The following POLRMT variants were observed in gnomAD, a reference collection of about 807,000 sequenced individuals.
The protein encoded by POLRMT is RNA polymerase mitochondrial.
Under a neutral mutation model 132.2 loss-of-function variants are expected in POLRMT, and 114 were observed. The ratio of observed to expected loss-of-function variants is 0.86; its 90% CI spans 0.74 to 1.01. POLRMT has a LOEUF of 1.01. Ranked by LOEUF, POLRMT falls within the 50% of genes least tolerant of loss-of-function variation. The pLI, the probability that POLRMT is intolerant of heterozygous loss-of-function variation, is 0.00. For missense variants in POLRMT, 2,003 were observed against 1,729.1 expected, an observed-to-expected ratio of 1.16 and a Z score of -2.81; for synonymous variants, 1,020 against 773.4, an observed-to-expected ratio of 1.32 and a Z score of -5.29.
At chr19:628,577 C>T (rs965008960) in intron 3 of POLRMT, among the ~76,000 whole-genome samples, 6 of 152,116 alleles carry the variant, frequency 3.9e-5, no homozygotes, top group Non-Finnish European at 8.8e-5. Flanking sequence ...CATGTTTACC[C>T]AAATATTAAG....
At position 632,878 on chromosome 19, in the gene POLRMT, T is replaced by C; in HGVS notation, c.149A>G (p.Asp50Gly). The stretch of plus-strand genomic sequence containing the variant: ...GCCCCAGTCCTTCCTGCGGTCTTGG[T>C]CTTGCTCCTGGGGGCTGGCGGACGA... ...RSSSASPQEQ[D>G]QDRRKDWGHV... Residue 50 changes from aspartate to glycine, a missense_variant, in exon 2 of 21, where the codon GAC becomes GGC. Coordinates refer to ENST00000588649, the MANE Select transcript of POLRMT (RefSeq NM_005035.4). 6 of 1,553,338 alleles carry C rather than the reference T, an allele frequency of 3.9e-6. No individual in the cohort carries two copies. The highest frequency in any genetic ancestry group is 5.2e-6 in the Non-Finnish European group (6 of 1,153,290).
Position 618,562 on chromosome 19 carries a change from C to A in POLRMT, c.3348G>T (p.Lys1116Asn). 1 of 1,613,300 alleles carries A rather than the reference C, an allele frequency of 6.2e-7. No individual in the cohort carries two copies. ...ISRKPNTRKQ[K>N]NGFPPNFIHS... ...GGATGAAGTTGGGCGGGAAGCCGTTCTTCTGCTTACGTGTGTTGGGCTTTC... is the reference window on the plus strand; with the variant it reads ...GGATGAAGTTGGGCGGGAAGCCGTTATTCTGCTTACGTGTGTTGGGCTTTC... The change falls in exon 17 of 21, where the codon AAG becomes AAT. Residue 1116 changes from lysine (K) to asparagine (N), a missense_variant. Physicochemically the swap from Lys to Asn is moderately conservative, Grantham distance 94. Transcript: ENST00000588649.
chr19:618,765 A>T lies in POLRMT; in HGVS notation c.3268-5T>A. 1 of 1,597,048 alleles carries T rather than the reference A, an allele frequency of 6.3e-7. No homozygotes were observed. The highest frequency in any genetic ancestry group is 8.5e-7 in the Non-Finnish European group (1 of 1,172,724). On this transcript the variant is annotated splice_region_variant and splice_polypyrimidine_tract_variant and intron_variant, in intron 15 of 20. Coordinates refer to ENST00000588649, the MANE Select transcript of POLRMT (RefSeq NM_005035.4). ...CTGAATTCCACCTCCTATTTGCTAA[A>T]AAGGGGAAGGGGCCGGTGAGTCCCA...
intron 17 of POLRMT, 116 bp downstream of exon 17, chr19:618,372 G>A (rs966244167): frequency 2.6e-6 from 2 of 780,512 alleles, no homozygotes; most frequent in Non-Finnish European, 4.1e-6. Context: ...AGACACAGCA[G>A]ATCCACTCTG....
intron 20 of POLRMT, 45 bp from the exon 21 acceptor site, chr19:617,368 C>A (rs372914047): frequency 5.6e-6 from 9 of 1,612,432 alleles, no homozygotes; most frequent in Non-Finnish European, 7.6e-6. Flanking sequence ...GGGAAAGCCC[C>A]GCCCTGGCCC....
In POLRMT at chr19:632,905, C is replaced by A. The variant is rs1238451089; in HGVS notation, c.122G>T (p.Ser41Ile). Residue 41 changes from serine to isoleucine, a missense_variant, in exon 2 of 21, where the codon AGC (serine) becomes ATC (isoleucine). Coordinates refer to ENST00000588649, the MANE Select transcript of POLRMT (RefSeq NM_005035.4). Reference sequence around the variant, plus strand: ...TTGCTCCTGGGGGCTGGCGGACGAGCTCCTCCTGGGGCCGCAGACGCCACC... The same window carrying A: ...TTGCTCCTGGGGGCTGGCGGACGAGATCCTCCTGGGGCCGCAGACGCCACC... Reference protein sequence around the residue: ...TAGGVCGPRRSSSASPQEQDQ... With the variant: ...TAGGVCGPRRISSASPQEQDQ... The A allele has an allele frequency of 3.3e-6, 5 of 1,538,134 alleles. No individual in the cohort carries two copies. Among genetic ancestry groups the A allele is most frequent in the African/African-American group, 1.4e-5 (1 of 71,570 alleles).
Position 622,813 on chromosome 19 carries a change from A to T in POLRMT, c.1455+8T>A. ...CCCGGGGACCCGGCCGCGCGGAGGA[A>T]GACGCACCTGCAGGAGCATCCGCAC... On this transcript the variant is annotated splice_region_variant and intron_variant, in intron 7 of 20. Transcript: ENST00000588649. 1 of 1,585,902 alleles carries T rather than the reference A, an allele frequency of 6.3e-7. No homozygotes were observed.
At chr19:624,623 G>A (rs563606092) in intron 5 of POLRMT, 96 bp downstream of exon 5, 9 of 1,376,550 alleles carry the variant, frequency 6.5e-6, no homozygotes, top group Non-Finnish European at 8.9e-6. Flanking sequence ...GTGAGCCCTG[G>A]GCACCGGGGA....
intron 1 of POLRMT, 174 bp downstream of exon 1, chr19:633,251 G>C (rs1447320575): frequency 7.5e-6 from 6 of 801,658 alleles, no homozygotes; most frequent in Non-Finnish European, 1.1e-5. Context: ...CAGACTGCAC[G>C]GAGGAGCCTC....
chr19:621,574 G>A lies in POLRMT; in HGVS notation c.2124C>T (p.Arg708=), dbSNP rs1044854638. Residue 708 remains arginine (R), a synonymous_variant, in exon 10 of 21, where the codon CGC becomes CGT. Transcript: ENST00000588649. ...ALTQLGNCAW[R]VNGRVLDLVL... The stretch of plus-strand genomic sequence containing the variant: ...CCAGGTCCAGCACGCGCCCGTTGAC[G>A]CGCCAGGCGCAGTTGCCCAGTTGGG... 4.1e-6 allele frequency: 6 copies of A among 1,457,934 alleles called. No individual in the cohort carries two copies. The highest frequency in any genetic ancestry group is 5.0e-4 in the Middle Eastern group (2 of 4,028). The allele number at this position is 1,457,934 out of a possible 1,614,324, so 90.3% of individuals were successfully genotyped here. A position where few individuals can be genotyped will look rare whatever the true frequency, so the allele number is the denominator to read the frequency against.
In POLRMT at chr19:617,224, T is replaced by G. The variant is rs753339461; in HGVS notation, c.*50A>C. 3 of 1,597,750 alleles carry G rather than the reference T, an allele frequency of 1.9e-6. No individual in the cohort carries two copies. Among genetic ancestry groups the G allele is most frequent in the East Asian group, 2.2e-5 (1 of 44,774 alleles). On this transcript the variant is annotated 3_prime_UTR_variant, in exon 21 of 21. Transcript: ENST00000588649. ...CACCCTTCCTGAAGACAGTGGCTCC[T>G]GGGGGTGGCAAAAGAGCTTTATTTA...
Position 619,205 on chromosome 19 carries a change from C to T in POLRMT, c.3153+5G>A, listed in dbSNP as rs777707561. 22 of 1,611,386 alleles carry T rather than the reference C, an allele frequency of 1.4e-5. No homozygotes were observed. Among genetic ancestry groups the T allele is most frequent in the Admixed American group, 3.3e-5 (2 of 59,828 alleles). ...CTGGCCGAGCGGGGACAGGACAGGACGTACCTGGATGGCCCGGGTCCCCGA... is the reference window on the plus strand; with the variant it reads ...CTGGCCGAGCGGGGACAGGACAGGATGTACCTGGATGGCCCGGGTCCCCGA... On this transcript the variant is annotated splice_donor_5th_base_variant and intron_variant, in intron 14 of 20. Coordinates refer to ENST00000588649, the MANE Select transcript of POLRMT (RefSeq NM_005035.4).
chr19:632,825 C>A lies in POLRMT; in HGVS notation c.193+9G>T. ...TCCTCTCCCGGGCCGCCGTGGGGGT[C>A]GCGCTCACCCTCCAGCAGCTCCACG... On this transcript the variant is annotated intron_variant, in intron 2 of 20. Coordinates refer to ENST00000588649, the MANE Select transcript of POLRMT (RefSeq NM_005035.4). 6.5e-7 allele frequency: 1 copy of A among 1,531,030 alleles called. No homozygotes were observed. The highest frequency in any genetic ancestry group is 8.8e-7 in the Non-Finnish European group (1 of 1,140,808). 94.8% of individuals were successfully genotyped at this position (1,531,030 alleles called of 1,614,324 possible).
chr19:629,495 T>A (rs758353725), intron 3 of POLRMT, 45 bp downstream of exon 3: 7 of 1,460,112 alleles, frequency 4.8e-6, no homozygotes, highest in Non-Finnish European at 6.3e-6. Context: ...CAAGTTCCTG[T>A]CTCCAACGAC....
At chr19:619,553 C>G in intron 13 of POLRMT, 33 bp downstream of exon 13, 1 of 1,609,978 alleles carries the variant, frequency 6.2e-7, no homozygotes, top group Non-Finnish European at 8.5e-7. Context: ...GCAGTGAAAC[C>G]AACGTGTTCG....
chr19:621,497 G>T lies in POLRMT; in HGVS notation c.2201C>A (p.Pro734Gln). The stretch of plus-strand genomic sequence containing the variant: ...GGGCGGCTGGGGCGCCTCGGAGGGC[G>T]GGGCCGGCACGCCTAGCTGGGGGCA... Reference protein sequence around the residue: ...KGCPQLGVPAPPSEAPQPPEA... With the variant: ...KGCPQLGVPAQPSEAPQPPEA... The change falls in exon 10 of 21, where the codon CCG becomes CAG. Residue 734 changes from proline (P) to glutamine (Q), a missense_variant. Pro to Gln is a moderately conservative substitution (Grantham distance 76). Coordinates refer to ENST00000588649, the MANE Select transcript of POLRMT (RefSeq NM_005035.4). The T allele has an allele frequency of 7.3e-7, 1 of 1,371,318 alleles. No homozygotes were observed. The highest frequency in any genetic ancestry group is 9.3e-7 in the Non-Finnish European group (1 of 1,070,610). The allele number at this position is 1,371,318 out of a possible 1,614,324, so 84.9% of individuals were successfully genotyped here.
chr19:620,058 T>C lies in POLRMT; in HGVS notation c.2786A>G (p.Gln929Arg). Reference protein sequence around the residue: ...VHQDGSCNGLQHYAALGRDSV... With the variant: ...VHQDGSCNGLRHYAALGRDSV... Reference sequence around the variant, plus strand: ...GTCGCGGCCCAGAGCAGCATAATGCTGCAGGCCGTTGCAAGAGCCGTCCTG... The same window carrying C: ...GTCGCGGCCCAGAGCAGCATAATGCCGCAGGCCGTTGCAAGAGCCGTCCTG... Residue 929 changes from glutamine to arginine, a missense_variant, in exon 12 of 21, where the codon CAG (glutamine) becomes CGG (arginine). Gln to Arg is a conservative substitution (Grantham distance 43). Coordinates refer to ENST00000588649, the MANE Select transcript of POLRMT (RefSeq NM_005035.4). The C allele has an allele frequency of 6.5e-7, 1 of 1,545,852 alleles. No homozygotes were observed. The highest frequency in any genetic ancestry group is 8.7e-7 in the Non-Finnish European group (1 of 1,150,464).
chr19:631,072 T>C (rs935709884), intron 2 of POLRMT, among the ~76,000 whole-genome samples: 3 of 151,732 alleles, frequency 2.0e-5, no homozygotes, highest in African/African-American at 7.3e-5. Context: ...GGCAGGAGAA[T>C]TGCTTGAGCC....
Position 619,273 on chromosome 19 carries a change from G to C in POLRMT, c.3090C>G (p.His1030Gln), listed in dbSNP as rs916017217. 6.2e-7 allele frequency: 1 copy of C among 1,608,148 alleles called. No individual in the cohort carries two copies. Among genetic ancestry groups the C allele is most frequent in the African/African-American group, 1.4e-5 (1 of 74,040 alleles). Residue 1030 changes from histidine (H) to glutamine (Q), a missense_variant, in exon 14 of 21, where the codon CAC becomes CAG. Transcript: ENST00000588649. Reference sequence around the variant, plus strand: ...TCTTGAAGACCTGGCGTACGAGATAGTGAGAGGCCTCCCACACGAACTCCT... The same window carrying C: ...TCTTGAAGACCTGGCGTACGAGATACTGAGAGGCCTCCCACACGAACTCCT... The part of the protein sequence containing the change: ...FPQEFVWEAS[H>Q]YLVRQVFKSL...
Sources: gnomAD v4.1 joint callset for allele counts (sites outside exome capture counted in the v4.1 genomes callset) on GRCh38, gnomAD v4.1.1 for gene constraint, MANE v1.5 for transcripts, NCBI Gene and HGNC (gene_info 2026-07-23, HGNC 2026-07-21) for gene names.